PKIA: variants seen among roughly 807,000 people sequenced by gnomAD.
PKIA encodes the protein PKI-alpha.
PKIA carries 4 observed loss-of-function variants against 7.6 expected under a neutral mutation model. The ratio of observed to expected loss-of-function variants is 0.52; its 90% CI spans 0.26 to 1.20. PKIA has a LOEUF of 1.20. PKIA is among the 50% of genes most tolerant of loss of function. The pLI is 0.13. For missense variants in PKIA, 73 were observed against 86.2 expected (o/e 0.85, Z 0.61); for synonymous variants, 21 against 30.7 (o/e 0.68, Z 1.04).
At chr8:78,595,473 T>G (rs1038037141) in intron 2 of PKIA, among the ~76,000 whole-genome samples, 1 of 152,204 alleles carries the variant, frequency 6.6e-6, no homozygotes, top group African/African-American at 2.4e-5. Context: ...GGGGTACATA[T>G]GCAGGTTTGT....
intron 1 of PKIA, among the ~76,000 whole-genome samples, chr8:78,528,517 C>T (rs555728765): frequency 4.3e-4 from 65 of 152,050 alleles, no homozygotes; most frequent in Non-Finnish European, 7.4e-4. Flanking sequence ...ATACATCTCT[C>T]TTAATGTTAA....
chr8:78,541,079 A>T (rs895742738), intron 1 of PKIA, among the ~76,000 whole-genome samples: 1 of 152,094 alleles, frequency 6.6e-6, no homozygotes, highest in African/African-American at 2.4e-5. Flanking sequence ...TTCTAATTCA[A>T]TTCAGCCCAA....
intron 1 of PKIA, among the ~76,000 whole-genome samples, chr8:78,538,351 T>TG (rs1806589602): frequency 6.6e-6 from 1 of 152,072 alleles, no homozygotes; most frequent in Non-Finnish European, 1.5e-5. Flanking sequence ...ATAGTTATCC[T>TG]GGGGAAATAT....
intron 2 of PKIA, among the ~76,000 whole-genome samples, chr8:78,590,913 TA>T (rs960936715): frequency 1.3e-5 from 2 of 152,166 alleles, no homozygotes; most frequent in Non-Finnish European, 2.9e-5. Flanking sequence ...AAACACACAG[TA>T]AACTACTCAA....
At chr8:78,579,193 A>T (rs944069173) in intron 2 of PKIA, among the ~76,000 whole-genome samples, 1 of 151,960 alleles carries the variant, frequency 6.6e-6, no homozygotes, top group Non-Finnish European at 1.5e-5. Flanking sequence ...TGCCTCACCT[A>T]GTGCAACAGG....
chr8:78,589,319 G>C (rs1033329412), intron 2 of PKIA, among the ~76,000 whole-genome samples: 1 of 152,170 alleles, frequency 6.6e-6, no homozygotes, highest in Non-Finnish European at 1.5e-5. Flanking sequence ...GGATAGTATA[G>C]GGGTAAACCA....
chr8:78,565,554 T>A (rs943692648), intron 1 of PKIA, among the ~76,000 whole-genome samples: 12 of 152,014 alleles, frequency 7.9e-5, no homozygotes, highest in Non-Finnish European at 1.8e-4. Flanking sequence ...GACAAATAAT[T>A]ATTTGCATAG....
At chr8:78,565,694 T>G (rs1033666453) in intron 1 of PKIA, among the ~76,000 whole-genome samples, 1 of 150,902 alleles carries the variant, frequency 6.6e-6, no homozygotes. Context: ...GTAATTAGGG[T>G]TTTTTTTTAT....
chr8:78,532,301 A>G (rs1203291647), intron 1 of PKIA, among the ~76,000 whole-genome samples: 1 of 151,858 alleles, frequency 6.6e-6, no homozygotes, highest in African/African-American at 2.4e-5. Context: ...TAAGGTTGTA[A>G]ATTAGGCTGA....
At chr8:78,542,390 C>T (rs1806715637) in intron 1 of PKIA, among the ~76,000 whole-genome samples, 1 of 152,084 alleles carries the variant, frequency 6.6e-6, no homozygotes, top group East Asian at 1.9e-4. Flanking sequence ...CTATATTCAT[C>T]TATCTCATAA....
At chr8:78,525,813 T>C (rs1384618007) in intron 1 of PKIA, among the ~76,000 whole-genome samples, 1 of 151,994 alleles carries the variant, frequency 6.6e-6, no homozygotes, top group Non-Finnish European at 1.5e-5. Context: ...ATTTATTTAT[T>C]TGGGGACATT....
chr8:78,554,117 T>C lies in PKIA; in HGVS notation c.-156-18694T>C, dbSNP rs865950362. Reference sequence around the variant, plus strand: ...GAAGGAGCAAGTCGTAGATCACAAGTCACAGAAGCAGAATCATGGGCCATT... The same window carrying C: ...GAAGGAGCAAGTCGTAGATCACAAGCCACAGAAGCAGAATCATGGGCCATT... On this transcript the variant is annotated intron_variant, in intron 1 of 3. Transcript: ENST00000396418. Among the ~76,000 whole-genome samples the C allele has an allele frequency of 1.1e-4, 17 of 152,128 alleles. 1 individual carries two copies. The highest frequency in any genetic ancestry group is 6.8e-3 in the Middle Eastern group (2 of 294).
At chr8:78,596,799 A>G (rs544551942) in intron 2 of PKIA, among the ~76,000 whole-genome samples, 19 of 152,152 alleles carry the variant, frequency 1.2e-4, no homozygotes, top group Non-Finnish European at 2.6e-4. Flanking sequence ...TTACAGTTTC[A>G]GGTTTTACAT....
Position 78,601,789 on chromosome 8 carries a change from G to A in PKIA, c.199G>A (p.Ala67Thr). The change falls in exon 4 of 4, where the codon GCC becomes ACC. Residue 67 changes from alanine to threonine, a missense_variant. Transcript: ENST00000396418. Reference sequence around the variant, plus strand: ...AAGTTCTACAGAACAAAGTGGGGAAGCCCAGGGAGAAGCAGCAAAATCTGA... The same window carrying A: ...AAGTTCTACAGAACAAAGTGGGGAAACCCAGGGAGAAGCAGCAAAATCTGA... Reference protein sequence around the residue: ...QRSSTEQSGEAQGEAAKSES With the variant: ...QRSSTEQSGETQGEAAKSES The A allele has an allele frequency of 6.2e-7, 1 of 1,612,454 alleles. No homozygotes were observed. The highest frequency in any genetic ancestry group is 8.5e-7 in the Non-Finnish European group (1 of 1,178,978).
chr8:78,523,694 A>C (rs1296112019), intron 1 of PKIA, among the ~76,000 whole-genome samples: 1 of 151,632 alleles, frequency 6.6e-6, no homozygotes, highest in African/African-American at 2.4e-5. Flanking sequence ...TCCAAAATGT[A>C]ATTTTGCTGG....
intron 1 of PKIA, among the ~76,000 whole-genome samples, chr8:78,551,194 T>C (rs977975022): frequency 2.0e-5 from 3 of 152,006 alleles, no homozygotes; most frequent in African/African-American, 7.2e-5. Flanking sequence ...AGTCTTTAGT[T>C]TGGTAATATG....
intron 1 of PKIA, among the ~76,000 whole-genome samples, chr8:78,519,736 T>A (rs1426627275): frequency 6.6e-6 from 1 of 152,212 alleles, no homozygotes; most frequent in East Asian, 1.9e-4. Flanking sequence ...TATCTCTTAA[T>A]CTAATTTGTC....
intron 1 of PKIA, among the ~76,000 whole-genome samples, chr8:78,545,774 A>G (rs944291623): frequency 6.6e-6 from 1 of 152,126 alleles, no homozygotes; most frequent in Non-Finnish European, 1.5e-5. Flanking sequence ...CTATGATACT[A>G]TATATAACCT....
At chr8:78,597,132 T>C (rs1808242211) in intron 2 of PKIA, among the ~76,000 whole-genome samples, 2 of 152,154 alleles carry the variant, frequency 1.3e-5, no homozygotes, top group Non-Finnish European at 2.9e-5. Context: ...CTGGCTTTTT[T>C]CTTTTTGCTT....
Sources: gnomAD v4.1 joint callset for allele counts (sites outside exome capture counted in the v4.1 genomes callset) on GRCh38, gnomAD v4.1.1 for gene constraint, MANE v1.5 for transcripts, NCBI Gene and HGNC (gene_info 2026-07-23, HGNC 2026-07-21) for gene names.